Variants in SLC35F1 observed in about 807,000 individuals in gnomAD.
The protein encoded by SLC35F1 is chromosome 6 open reading frame 169.
SLC35F1 carries 14 observed loss-of-function variants against 48.7 expected under a neutral mutation model. The ratio of observed to expected loss-of-function variants is 0.29; its 90% confidence interval spans 0.19 to 0.45. SLC35F1 has a LOEUF of 0.45. Among genes scored for constraint, SLC35F1 ranks in the 20% least tolerant of loss-of-function variants. The pLI is 1.00. For synonymous variants in SLC35F1, 190 were observed against 202.2 expected (o/e 0.94, Z 0.51); for missense variants, 404 against 500.0 (o/e 0.81, Z 1.83).
chr6:118,067,682 A>G (rs921811208), intron 1 of SLC35F1, among the ~76,000 whole-genome samples: 3 of 152,224 alleles, frequency 2.0e-5, no homozygotes, highest in Non-Finnish European at 4.4e-5. Flanking sequence ...GGTGATTTCA[A>G]GAGCAGGTGC....
intron 7 of SLC35F1, among the ~76,000 whole-genome samples, chr6:118,303,139 T>C (rs532996174): frequency 6.6e-6 from 1 of 152,314 alleles, no homozygotes; most frequent in Admixed American, 6.5e-5. Context: ...AGAATTCCAA[T>C]ACTGATGCAA....
chr6:118,283,835 G>C (rs942532092), intron 6 of SLC35F1, among the ~76,000 whole-genome samples: 1 of 152,024 alleles, frequency 6.6e-6, no homozygotes, highest in South Asian at 2.1e-4. Context: ...GCAGAAAAAC[G>C]GTCCGTTTTT....
At chr6:118,157,945 G>A (rs205962) in intron 2 of SLC35F1, among the ~76,000 whole-genome samples, 115,226 of 152,074 alleles carry the variant, frequency 0.76, 43,933 homozygotes, top group African/African-American at 0.84. Flanking sequence ...TGTCATAGAC[G>A]ATTTAGGGAG....
intron 1 of SLC35F1, among the ~76,000 whole-genome samples, chr6:118,050,338 G>T (rs367648110): frequency 1.3e-5 from 2 of 149,116 alleles, no homozygotes; most frequent in Non-Finnish European, 3.0e-5. Flanking sequence ...CACATTGTGC[G>T]CATGTACCCT....
chr6:117,926,093 C>G (rs1371764623), intron 1 of SLC35F1, among the ~76,000 whole-genome samples: 1 of 152,064 alleles, frequency 6.6e-6, no homozygotes, highest in African/African-American at 2.4e-5. Flanking sequence ...TATGGTTTGG[C>G]TCTGTGTCCC....
chr6:118,180,367 CAAT>C (rs1774556048), intron 2 of SLC35F1, among the ~76,000 whole-genome samples: 1 of 151,900 alleles, frequency 6.6e-6, no homozygotes, highest in African/African-American at 2.4e-5. Flanking sequence ...GGCAGCGTAA[CAAT>C]AAGCTACAGA....
intron 1 of SLC35F1, among the ~76,000 whole-genome samples, chr6:118,084,478 C>T (rs1772956046): frequency 1.3e-5 from 2 of 152,068 alleles, no homozygotes; most frequent in Admixed American, 1.3e-4. Flanking sequence ...CACTTATATG[C>T]TAATGTGTTC....
At chr6:118,121,115 C>T (rs560713686) in intron 1 of SLC35F1, among the ~76,000 whole-genome samples, 9 of 152,070 alleles carry the variant, frequency 5.9e-5, no homozygotes, top group African/African-American at 2.2e-4. Flanking sequence ...TATCAAAAGG[C>T]GAAAGAATAG....
chr6:118,036,222 A>T (rs1483114329), intron 1 of SLC35F1, among the ~76,000 whole-genome samples: 2 of 152,086 alleles, frequency 1.3e-5, no homozygotes, highest in Non-Finnish European at 2.9e-5. Context: ...TTGATATGTT[A>T]TAGTTTTGTT....
chr6:118,185,103 A>G (rs1328034015), intron 2 of SLC35F1, among the ~76,000 whole-genome samples: 1 of 152,146 alleles, frequency 6.6e-6, no homozygotes, highest in Non-Finnish European at 1.5e-5. Flanking sequence ...TAGATGTATC[A>G]GTGATAGCAT....
chr6:118,049,483 T>C (rs1012016125), intron 1 of SLC35F1, among the ~76,000 whole-genome samples: 5 of 151,976 alleles, frequency 3.3e-5, no homozygotes, highest in Non-Finnish European at 7.4e-5. Flanking sequence ...AGGGCTAATA[T>C]CCAGAATCTA....
At chr6:117,937,971 C>CT (rs1260503963) in intron 1 of SLC35F1, among the ~76,000 whole-genome samples, 1 of 152,172 alleles carries the variant, frequency 6.6e-6, no homozygotes, top group East Asian at 1.9e-4. Context: ...ACACACCATA[C>CT]TTCAGGGCAT....
intron 1 of SLC35F1, among the ~76,000 whole-genome samples, chr6:117,948,583 T>G (rs1188372910): frequency 6.6e-6 from 1 of 152,182 alleles, no homozygotes; most frequent in African/African-American, 2.4e-5. Context: ...TATCAAGTTT[T>G]GCATTTGACA....
chr6:117,929,085 T>A (rs941675427), intron 1 of SLC35F1, among the ~76,000 whole-genome samples: 22 of 152,244 alleles, frequency 1.4e-4, no homozygotes, highest in African/African-American at 5.3e-4. Flanking sequence ...CCCTCACCCA[T>A]CATGATTGCC....
At chr6:118,176,555 T>A (rs564005502) in intron 2 of SLC35F1, among the ~76,000 whole-genome samples, 8 of 152,180 alleles carry the variant, frequency 5.3e-5, no homozygotes, top group African/African-American at 1.7e-4. Context: ...GTTATAGAGA[T>A]TTGGGAATAT....
chr6:118,295,828 T>C (rs1319240557), intron 7 of SLC35F1, among the ~76,000 whole-genome samples: 1 of 152,152 alleles, frequency 6.6e-6, no homozygotes, highest in East Asian at 1.9e-4. Flanking sequence ...AAAGTATTGC[T>C]AGTGAGAAAA....
At chr6:117,908,408 A>G (rs1025569287) in intron 1 of SLC35F1, among the ~76,000 whole-genome samples, 6 of 152,206 alleles carry the variant, frequency 3.9e-5, no homozygotes, top group African/African-American at 1.4e-4. Context: ...ACAGCCTAGC[A>G]GGCGGAGGGA....
rs918213779 is a variant in SLC35F1, at chr6:117,997,424, C to T, written c.173+89525C>T. ...ATTCAGATTCAGGAAATACAGAGAA[C>T]GCCACAAAGATACTCCTCGAGAAGA... On this transcript the variant is annotated intron_variant, in intron 1 of 7. Coordinates refer to ENST00000360388, the MANE Select transcript of SLC35F1 (RefSeq NM_001029858.4). 1.3e-3 allele frequency among the ~76,000 whole-genome samples: 192 copies of T among 151,942 alleles called. No homozygotes were observed. The Middle Eastern group carries it at 0.014, about 11-fold the overall frequency.
At chr6:117,960,408 T>C (rs1038995715) in intron 1 of SLC35F1, among the ~76,000 whole-genome samples, 1 of 151,906 alleles carries the variant, frequency 6.6e-6, no homozygotes, top group Non-Finnish European at 1.5e-5. Flanking sequence ...GACAAGGCAG[T>C]TTACAGACTA....
Sources: allele counts gnomAD v4.1 joint callset (sites outside exome capture counted in the v4.1 genomes callset), GRCh38; gene constraint gnomAD v4.1.1; transcripts MANE v1.5; gene names NCBI Gene and HGNC (gene_info 2026-07-23, HGNC 2026-07-21).